SLC38A3: variants seen among roughly 807,000 people sequenced by gnomAD.
SLC38A3 encodes the protein sodium-coupled neutral amino acid transporter 3.
A neutral mutation model predicts 59.5 loss-of-function variants in SLC38A3; 17 were observed. The ratio of observed to expected loss-of-function variants is 0.29; its 90% CI spans 0.20 to 0.43. The LOEUF is 0.43. Ranked by LOEUF, SLC38A3 falls within the 20% of genes least tolerant of loss-of-function variation. The pLI, the probability that SLC38A3 is intolerant of heterozygous loss-of-function variation, is 1.00. For missense variants in SLC38A3, 454 were observed against 653.9 expected, an observed-to-expected ratio of 0.69 and a Z score of 3.33; for synonymous variants, 238 against 260.3, an observed-to-expected ratio of 0.91 and a Z score of 0.82.
In SLC38A3 at chr3:50,217,200, T is replaced by C; in HGVS notation, c.549-38T>C. 2 of 1,519,096 alleles carry C rather than the reference T, an allele frequency of 1.3e-6. No homozygotes were observed. Among genetic ancestry groups the C allele is most frequent in the South Asian group, 2.3e-5 (2 of 85,738 alleles). The allele number at this position is 1,519,096 out of a possible 1,614,324, so 94.1% of individuals were successfully genotyped here. On this transcript the variant is annotated intron_variant, in intron 7 of 15. Transcript: ENST00000614032. This position sits in a 1 kb window ranked among gnomAD's most constrained non-coding sequence, Gnocchi z 4.9. ...GGCAGGGGCCCCATCCCAGGCTGAA[T>C]GGATTCTGACCCTGGCTCCCGACTC...
chr3:50,218,406 G>A lies in SLC38A3; in HGVS notation c.1036+36G>A, dbSNP rs1699852991. The A allele has an allele frequency of 6.4e-7, 1 of 1,559,928 alleles. No homozygotes were observed. On this transcript the variant is annotated intron_variant, in intron 12 of 15. Coordinates refer to ENST00000614032, the MANE Select transcript of SLC38A3 (RefSeq NM_006841.6). The surrounding 1 kb of genome is among the most constrained non-coding windows in gnomAD (Gnocchi z 5.8). Reference sequence around the variant, plus strand: ...ACCGGTGGGCAGAGGCCTAGGCTAGGCTGGGGGGAAGGGGCTGGTTGTGGC... The same window carrying A: ...ACCGGTGGGCAGAGGCCTAGGCTAGACTGGGGGGAAGGGGCTGGTTGTGGC...
chr3:50,213,670 T>C (rs916288448), intron 1 of SLC38A3, among the ~76,000 whole-genome samples: 6 of 152,218 alleles, frequency 3.9e-5, no homozygotes, highest in African/African-American at 1.4e-4. Context: ...CGTCGGGCAG[T>C]GCCATTCTAG....
At chr3:50,211,597 T>C (rs1699730576) in intron 1 of SLC38A3, among the ~76,000 whole-genome samples, 1 of 137,560 alleles carries the variant, frequency 7.3e-6, no homozygotes, top group Non-Finnish European at 1.6e-5. Flanking sequence ...TTTTTTTTTC[T>C]TTTTTTTTGA....
In SLC38A3 at chr3:50,218,186, G is replaced by C. The variant is rs975871517; in HGVS notation, c.936-84G>C. ...TCAGATGCTGAATGGTGAAAGTATG[G>C]TGCCAGAGAGAGCTTGGGGCACATG... On this transcript the variant is annotated intron_variant, in intron 11 of 15. Transcript: ENST00000614032. The surrounding 1 kb of genome is among the most constrained non-coding windows in gnomAD (Gnocchi z 5.8). The C allele has an allele frequency of 4.4e-6, 5 of 1,134,580 alleles. No individual in the cohort carries two copies. The African/African-American group carries it at 7.6e-5, about 17-fold the overall frequency. The allele number at this position is 1,134,580 out of a possible 1,614,324, so 70.3% of individuals were successfully genotyped here. A position where few individuals can be genotyped will look rare whatever the true frequency, so the allele number is the denominator to read the frequency against.
rs1559754662 is a variant in SLC38A3, at chr3:50,215,340, GCC to G, written c.300-41_300-40del. 6.3e-7 allele frequency: 1 copy of G among 1,577,460 alleles called. No homozygotes were observed. Among genetic ancestry groups the G allele is most frequent in the South Asian group, 1.1e-5 (1 of 90,142 alleles). On this transcript the variant is annotated intron_variant, in intron 4 of 15. Transcript: ENST00000614032. The surrounding 1 kb of genome is among the most constrained non-coding windows in gnomAD (Gnocchi z 7.1). Reference sequence around the variant, plus strand: ...CCCTCACCCTCTGCCAGCCACGGTAGCCCCCCAGTGGCCTCTTTTTCTTCCAT... The same window carrying G: ...CCCTCACCCTCTGCCAGCCACGGTAGCCCCAGTGGCCTCTTTTTCTTCCAT...
At position 50,217,368 on chromosome 3, in the gene SLC38A3, A is replaced by G. The variant is rs769452738; in HGVS notation, c.632-47A>G. 7 of 1,611,296 alleles carry G rather than the reference A, an allele frequency of 4.3e-6. No individual in the cohort carries two copies. The highest frequency in any genetic ancestry group is 5.9e-6 in the Non-Finnish European group (7 of 1,178,374). On this transcript the variant is annotated intron_variant, in intron 8 of 15. Transcript: ENST00000614032. This position sits in a 1 kb window ranked among gnomAD's most constrained non-coding sequence, Gnocchi z 4.9. ...CTTGGAGGGGATGTTGGAGGCATAC[A>G]CCATGGGAGGGGCCCCAGGTCTCAG...
In SLC38A3 at chr3:50,214,418, C is replaced by T. The variant is rs745824606; in HGVS notation, c.118C>T (p.Arg40Trp). ...TGCCTACAGGGTCGAGGACCCTGCACGGAGCTGTATGGAGGGCAAGAGCTT... is the reference window on the plus strand; with the variant it reads ...TGCCTACAGGGTCGAGGACCCTGCATGGAGCTGTATGGAGGGCAAGAGCTT... ...AGNQRVEDPA[R>W]SCMEGKSFLQ... Residue 40 changes from arginine to tryptophan, a missense_variant, in exon 3 of 16, where the codon CGG becomes TGG. Arg to Trp is a moderately radical substitution (Grantham distance 101). Coordinates refer to ENST00000614032, the MANE Select transcript of SLC38A3 (RefSeq NM_006841.6). The surrounding 1 kb of genome is among the most constrained non-coding windows in gnomAD (Gnocchi z 6.0). 79 of 1,584,982 alleles carry T rather than the reference C, an allele frequency of 5.0e-5. No homozygotes were observed. Among genetic ancestry groups the T allele is most frequent in the Middle Eastern group, 5.0e-4 (3 of 6,036 alleles).
rs1021111491 is a variant in SLC38A3, at chr3:50,218,394, G to C, written c.1036+24G>C. 1.3e-6 allele frequency: 2 copies of C among 1,571,870 alleles called. No individual in the cohort carries two copies. The highest frequency in any genetic ancestry group is 1.8e-6 in the Non-Finnish European group (2 of 1,141,850). The stretch of plus-strand genomic sequence containing the variant: ...CAGTACGGTGGCACCGGTGGGCAGA[G>C]GCCTAGGCTAGGCTGGGGGGAAGGG... On this transcript the variant is annotated intron_variant, in intron 12 of 15. Coordinates refer to ENST00000614032, the MANE Select transcript of SLC38A3 (RefSeq NM_006841.6). The surrounding 1 kb of genome is among the most constrained non-coding windows in gnomAD (Gnocchi z 5.8).
In SLC38A3 at chr3:50,217,868, G is replaced by A; in HGVS notation, c.855+28G>A. ...TCTGACAGGTCAGGGCAAGGCGGGG[G>A]CCCAATGAGAGTGGCAGACTGCCTT... On this transcript the variant is annotated intron_variant, in intron 10 of 15. Transcript: ENST00000614032. The surrounding 1 kb of genome is among the most constrained non-coding windows in gnomAD (Gnocchi z 4.9). 6.2e-7 allele frequency: 1 copy of A among 1,613,986 alleles called. No individual in the cohort carries two copies.
Position 50,214,132 on chromosome 3 carries a change from G to A in SLC38A3, c.-51-17G>A, listed in dbSNP as rs1699779554. ...CCCAAGTAACGGGGCTAACCAGAGGGACCGGCTGCTCTGCAGACATCTGAC... is the reference window on the plus strand; with the variant it reads ...CCCAAGTAACGGGGCTAACCAGAGGAACCGGCTGCTCTGCAGACATCTGAC... On this transcript the variant is annotated splice_polypyrimidine_tract_variant and intron_variant, in intron 1 of 15. Coordinates refer to ENST00000614032, the MANE Select transcript of SLC38A3 (RefSeq NM_006841.6). This position sits in a 1 kb window ranked among gnomAD's most constrained non-coding sequence, Gnocchi z 6.0. 6.8e-7 allele frequency: 1 copy of A among 1,478,270 alleles called. No homozygotes were observed. Among genetic ancestry groups the A allele is most frequent in the African/African-American group, 1.4e-5 (1 of 72,312 alleles). The allele number at this position is 1,478,270 out of a possible 1,614,324, so 91.6% of individuals were successfully genotyped here.
At chr3:50,210,426 G>A (rs996706838) in intron 1 of SLC38A3, among the ~76,000 whole-genome samples, 23 of 152,168 alleles carry the variant, frequency 1.5e-4, no homozygotes, top group African/African-American at 5.6e-4. Flanking sequence ...GCCTCCACTG[G>A]TGCAAGTCGT....
intron 1 of SLC38A3, among the ~76,000 whole-genome samples, chr3:50,212,535 G>T (rs1363545496): frequency 6.6e-6 from 1 of 152,208 alleles, no homozygotes; most frequent in Admixed American, 6.5e-5. Context: ...GGTCTGGGAG[G>T]AGAGGAGGTA....
rs757683803 is a variant in SLC38A3, at chr3:50,217,435, G to T, written c.652G>T (p.Gly218Cys). The T allele has an allele frequency of 1.9e-6, 3 of 1,613,444 alleles. No individual in the cohort carries two copies. The highest frequency in any genetic ancestry group is 2.5e-6 in the Non-Finnish European group (3 of 1,179,688). ...RQLGYLGYSS[G>C]FSLSCMVFFL... ...TGCAGGCTACCTGGGCTACTCCAGC[G>T]GCTTCTCTCTTAGCTGCATGGTGTT... The change falls in exon 9 of 16, where the codon GGC becomes TGC. Residue 218 changes from glycine (G) to cysteine (C), a missense_variant. This residue lies in a region of SLC38A3 where 390 missense variants were observed against 557.9 expected (regional missense o/e 0.70). Coordinates refer to ENST00000614032, the MANE Select transcript of SLC38A3 (RefSeq NM_006841.6). The surrounding 1 kb of genome is among the most constrained non-coding windows in gnomAD (Gnocchi z 4.9).
rs2109155262 is a variant in SLC38A3 at position 50,215,402 on chromosome 3, G to A, written c.316G>A (p.Val106Ile). 6.2e-7 allele frequency: 1 copy of A among 1,613,976 alleles called. No individual in the cohort carries two copies. The highest frequency in any genetic ancestry group is 8.5e-7 in the Non-Finnish European group (1 of 1,179,882). ...IILFLFLLTA[V>I]ALLSSYSIHL... ...TGTCCCCAGGTTCCTGTTGACAGCTGTCGCCTTGCTCTCCAGCTACTCCAT... is the reference window on the plus strand; with the variant it reads ...TGTCCCCAGGTTCCTGTTGACAGCTATCGCCTTGCTCTCCAGCTACTCCAT... The change falls in exon 5 of 16, where the codon GTC (valine) becomes ATC (isoleucine). Residue 106 changes from valine (V) to isoleucine (I), a missense_variant. Around this residue, in one of 3 missense-constraint regions of SLC38A3, gnomAD observed 390 missense variants for 557.9 expected, o/e 0.70. Transcript: ENST00000614032. This position sits in a 1 kb window ranked among gnomAD's most constrained non-coding sequence, Gnocchi z 7.1.
intron 1 of SLC38A3, among the ~76,000 whole-genome samples, chr3:50,212,261 C>T (rs1699742355): frequency 6.6e-6 from 1 of 152,228 alleles, no homozygotes; most frequent in Non-Finnish European, 1.5e-5. Flanking sequence ...GTCCAGACTG[C>T]CAGCTCAGCA....
intron 1 of SLC38A3, among the ~76,000 whole-genome samples, chr3:50,210,391 C>T (rs2236941): frequency 0.41 from 61,566 of 151,992 alleles, 13,488 homozygotes; most frequent in East Asian, 0.6. Context: ...GCCTGGGCCT[C>T]AGCAATAAGC....
chr3:50,209,698 GTC>G (rs1183657283), intron 1 of SLC38A3, among the ~76,000 whole-genome samples: 3 of 151,786 alleles, frequency 2.0e-5, no homozygotes, highest in Non-Finnish European at 4.4e-5. Flanking sequence ...CCACAGGAAA[GTC>G]TACCTTCCGG....
chr3:50,214,669 C>A lies in SLC38A3; in HGVS notation c.200C>A (p.Ser67Ter). The A allele has an allele frequency of 6.2e-7, 1 of 1,607,604 alleles. No homozygotes were observed. The highest frequency in any genetic ancestry group is 8.5e-7 in the Non-Finnish European group (1 of 1,175,096). Residue 67 changes from serine to a stop codon, truncating the protein, a stop_gained, in exon 4 of 16, where the codon TCA (serine) becomes TAA (stop). Transcript: ENST00000614032. LOFTEE classifies it high-confidence loss of function. This position sits in a 1 kb window ranked among gnomAD's most constrained non-coding sequence, Gnocchi z 6.0. Reference sequence around the variant, plus strand: ...TGCCTGCAGTTCGAGGGGAAGACATCATTCGGGATGTCAGTGTTCAACCTC... The same window carrying A: ...TGCCTGCAGTTCGAGGGGAAGACATAATTCGGGATGTCAGTGTTCAACCTC... ...PHFTDFEGKT[S>*]FGMSVFNLSN...
chr3:50,215,353 C>G lies in SLC38A3; in HGVS notation c.300-33C>G. ...CCAGCCACGGTAGCCCCCCAGTGGCCTCTTTTTCTTCCATCTTCCCATGTG... is the reference window on the plus strand; with the variant it reads ...CCAGCCACGGTAGCCCCCCAGTGGCGTCTTTTTCTTCCATCTTCCCATGTG... On this transcript the variant is annotated intron_variant, in intron 4 of 15. Transcript: ENST00000614032. This position sits in a 1 kb window ranked among gnomAD's most constrained non-coding sequence, Gnocchi z 7.1. 6.2e-7 allele frequency: 1 copy of G among 1,608,244 alleles called. No individual in the cohort carries two copies. The highest frequency in any genetic ancestry group is 8.5e-7 in the Non-Finnish European group (1 of 1,174,734).
Sources: allele counts gnomAD v4.1 joint callset (sites outside exome capture counted in the v4.1 genomes callset), GRCh38; gene constraint gnomAD v4.1.1; regional missense constraint gnomAD v4.1.1; non-coding constraint Gnocchi (gnomAD v3.1); transcripts MANE v1.5; gene names NCBI Gene and HGNC (gene_info 2026-07-23, HGNC 2026-07-21).